The following RB1 variants were observed in gnomAD, a reference collection of about 807,000 sequenced individuals.
The protein encoded by RB1 is RB transcriptional corepressor 1, also known as retinoblastoma-associated protein.
In RB1, 18 loss-of-function variants were observed where a neutral mutation model predicts 135.4. That is an observed-to-expected ratio of 0.13 (90% CI 0.09 to 0.20). The LOEUF is 0.20. Among genes scored for constraint, RB1 ranks in the 10% least tolerant of loss-of-function variants. The pLI is 1.00. For synonymous variants in RB1, 365 were observed against 373.2 expected (o/e 0.98, Z 0.25); for missense variants, 868 against 1,110.0 (o/e 0.78, Z 3.10).
intron 17 of RB1, among the ~76,000 whole-genome samples, chr13:48,444,389 C>A (rs1251381238): frequency 6.6e-6 from 1 of 152,068 alleles, no homozygotes; most frequent in Non-Finnish European, 1.5e-5. Flanking sequence ...TGGTGGCATG[C>A]CCCTGTAGTC....
intron 3 of RB1, 73 bp from the exon 4 acceptor site, chr13:48,345,007 C>A (rs1030380584): frequency 6.7e-7 from 1 of 1,490,190 alleles, no homozygotes; most frequent in Non-Finnish European, 9.2e-7. Flanking sequence ...ATTGAAATAT[C>A]TATGATTTGA....
chr13:48,476,615 G>T, intron 24 of RB1, 86 bp from the exon 25 acceptor site: 1 of 1,404,128 alleles, frequency 7.1e-7, no homozygotes, highest in South Asian at 1.2e-5. Flanking sequence ...CCTGATTTTT[G>T]ACACACCTCA....
intron 17 of RB1, among the ~76,000 whole-genome samples, chr13:48,409,240 C>T (rs1593477280): frequency 2.0e-5 from 3 of 150,722 alleles, no homozygotes. Flanking sequence ...CTTGGAACTC[C>T]TGGGCTGAAG....
intron 17 of RB1, among the ~76,000 whole-genome samples, chr13:48,409,131 T>TG (rs1250306035): frequency 1.3e-5 from 2 of 151,374 alleles, no homozygotes; most frequent in Non-Finnish European, 2.9e-5. Flanking sequence ...ACTAGTTTTT[T>TG]GGGTTTTTTT....
intron 3 of RB1, 64 bp from the exon 4 acceptor site, chr13:48,345,016 G>A (rs1952479319): frequency 4.6e-6 from 7 of 1,537,702 alleles, no homozygotes; most frequent in Middle Eastern, 2.3e-4. Context: ...TCTATGATTT[G>A]AAAACGAAAT....
intron 16 of RB1, among the ~76,000 whole-genome samples, chr13:48,380,452 C>A (rs536052544): frequency 1.3e-5 from 2 of 152,108 alleles, no homozygotes; most frequent in Non-Finnish European, 2.9e-5. Flanking sequence ...TAATATTTCA[C>A]TAGGCTTCTC....
intron 9 of RB1, among the ~76,000 whole-genome samples, chr13:48,366,302 A>G (rs1593447567): frequency 6.6e-6 from 1 of 152,184 alleles, no homozygotes; most frequent in Admixed American, 6.5e-5. Flanking sequence ...TTTTTCTCCA[A>G]TATTTCACAT....
At chr13:48,425,818 T>C (rs1318871629) in intron 17 of RB1, among the ~76,000 whole-genome samples, 1 of 152,204 alleles carries the variant, frequency 6.6e-6, no homozygotes, top group Non-Finnish European at 1.5e-5. Flanking sequence ...TAATTCAGTC[T>C]CCCCACTAAT....
intron 17 of RB1, among the ~76,000 whole-genome samples, chr13:48,420,568 A>G (rs997077690): frequency 6.6e-6 from 1 of 152,192 alleles, no homozygotes. Context: ...AATAAAGCGT[A>G]TTCAAGTAGG....
chr13:48,416,103 G>T (rs1566215483), intron 17 of RB1, among the ~76,000 whole-genome samples: 1 of 152,042 alleles, frequency 6.6e-6, no homozygotes, highest in Non-Finnish European at 1.5e-5. Context: ...TGGATTTTTT[G>T]GGGGGAGCGA....
At chr13:48,436,040 G>C (rs1349614666) in intron 17 of RB1, among the ~76,000 whole-genome samples, 1 of 152,152 alleles carries the variant, frequency 6.6e-6, no homozygotes, top group Non-Finnish European at 1.5e-5. Flanking sequence ...ACACGAATAT[G>C]TTAAAAGGAT....
chr13:48,453,165 A>T, intron 18 of RB1, 54 bp downstream of exon 18: 1 of 1,481,978 alleles, frequency 6.7e-7, no homozygotes. Context: ...GATTTTAAGC[A>T]TAAGTGCAAT....
intron 8 of RB1, among the ~76,000 whole-genome samples, chr13:48,363,823 C>T (rs1210812525): frequency 6.6e-6 from 1 of 152,134 alleles, no homozygotes; most frequent in East Asian, 1.9e-4. Flanking sequence ...AAACAAGCTT[C>T]CAGGGACTGA....
At chr13:48,447,345 G>T (rs1949295604) in intron 17 of RB1, among the ~76,000 whole-genome samples, 1 of 152,080 alleles carries the variant, frequency 6.6e-6, no homozygotes, top group African/African-American at 2.4e-5. Context: ...CTCCTTCAAG[G>T]CTATTTAGTA....
At chr13:48,385,347 A>C (rs1948564055) in intron 17 of RB1, among the ~76,000 whole-genome samples, 1 of 152,180 alleles carries the variant, frequency 6.6e-6, no homozygotes, top group African/African-American at 2.4e-5. Flanking sequence ...AAAAAAGACC[A>C]CTATACTACC....
intron 11 of RB1, among the ~76,000 whole-genome samples, chr13:48,370,620 G>T (rs1456963959): frequency 6.6e-6 from 1 of 152,232 alleles, no homozygotes; most frequent in African/African-American, 2.4e-5. Flanking sequence ...ATAGGATGAG[G>T]TATGGGGGAT....
At chr13:48,441,404 C>A (rs1026307973) in intron 17 of RB1, among the ~76,000 whole-genome samples, 1 of 152,136 alleles carries the variant, frequency 6.6e-6, no homozygotes, top group African/African-American at 2.4e-5. Context: ...GAATGACCAA[C>A]GGGTTTCCAA....
At chr13:48,444,602 G>A (rs538206397) in intron 17 of RB1, 1 of 152,412 alleles carries the variant, frequency 6.6e-6, no homozygotes, top group African/African-American at 2.4e-5. Flanking sequence ...GAGATGCGTA[G>A]GGTGAGGTAT....
At chr13:48,420,965 G>A (rs1468668657) in intron 17 of RB1, among the ~76,000 whole-genome samples, 1 of 152,118 alleles carries the variant, frequency 6.6e-6, no homozygotes, top group Non-Finnish European at 1.5e-5. Flanking sequence ...ACCACTCAAA[G>A]TAATTTATAG....
Sources: allele counts gnomAD v4.1 joint callset (sites outside exome capture counted in the v4.1 genomes callset), GRCh38; gene constraint gnomAD v4.1.1; transcripts MANE v1.5; gene names NCBI Gene and HGNC (gene_info 2026-07-23, HGNC 2026-07-21).